Variants in ABHD2 observed in about 807,000 individuals in gnomAD.
ABHD2 encodes abhydrolase domain containing 2, acylglycerol lipase, also known as monoacylglycerol lipase ABHD2.
ABHD2 carries 20 observed loss-of-function variants against 48.1 expected under a neutral mutation model. That is an observed-to-expected ratio of 0.42 (90% CI 0.29 to 0.60). ABHD2 has a LOEUF of 0.60. Among genes scored for constraint, ABHD2 ranks in the 20% least tolerant of loss-of-function variants. The pLI, the probability that ABHD2 is intolerant of heterozygous loss-of-function variation, is 0.24. For synonymous variants in ABHD2, 209 were observed against 214.2 expected, an observed-to-expected ratio of 0.98 and a Z score of 0.21; for missense variants, 405 against 550.9, an observed-to-expected ratio of 0.74 and a Z score of 2.65.
chr15:89,157,866 A>G (rs983947534), intron 5 of ABHD2, among the ~76,000 whole-genome samples: 16 of 151,928 alleles, frequency 1.1e-4, no homozygotes, highest in African/African-American at 2.9e-4. Flanking sequence ...AAATAAATAA[A>G]TAGGTGAATG....
At chr15:89,103,301 G>A (rs1425892739) in intron 1 of ABHD2, among the ~76,000 whole-genome samples, 1 of 152,042 alleles carries the variant, frequency 6.6e-6, no homozygotes, top group Admixed American at 6.5e-5. Flanking sequence ...AGCATTTTAC[G>A]AACCTTATCT....
chr15:89,090,993 A>G (rs1901575890), intron 1 of ABHD2, among the ~76,000 whole-genome samples: 1 of 152,232 alleles, frequency 6.6e-6, no homozygotes, highest in Admixed American at 6.5e-5. Context: ...CGTGCTGGCA[A>G]TCTAGCTGGT....
rs182660669 is a variant in ABHD2, at chr15:89,179,625, A to G, written c.722+3630A>G. Among the ~76,000 whole-genome samples the G allele has an allele frequency of 2.6e-4, 39 of 152,262 alleles. No homozygotes were observed. The highest frequency in any genetic ancestry group is 3.4e-3 in the Middle Eastern group (1 of 294). On this transcript the variant is annotated intron_variant, in intron 6 of 10. Coordinates refer to ENST00000352732, the MANE Select transcript of ABHD2 (RefSeq NM_152924.5). The surrounding 1 kb of genome is among the most constrained non-coding windows in gnomAD (Gnocchi z 4.3). ...GTATGATAATGTAATAATAATAGGG[A>G]AAAAGTACATTATAAATGTAATGTG...
At position 89,155,372 on chromosome 15, in the gene ABHD2, A is replaced by G. The variant is rs1202655185; in HGVS notation, c.376A>G (p.Ile126Val). The stretch of plus-strand genomic sequence containing the variant: ...TCTCTTTCTCTACGCTATAGATGAT[A>G]TCACCATGGTCATCTGCCCTGGAAT... Reference protein sequence around the residue: ...PLAEHCVGDDITMVICPGIAN... With the variant: ...PLAEHCVGDDVTMVICPGIAN... The change falls in exon 5 of 11, where the codon ATC becomes GTC. Residue 126 changes from isoleucine to valine, a missense_variant. Transcript: ENST00000352732. The surrounding 1 kb of genome is among the most constrained non-coding windows in gnomAD (Gnocchi z 4.9). 5.6e-6 allele frequency: 9 copies of G among 1,613,850 alleles called. No homozygotes were observed. In the South Asian group the frequency reaches 8.8e-5, roughly 16 times the overall value.
the ABHD2 span, among the ~76,000 whole-genome samples, chr15:89,062,713 T>C: frequency 1.3e-5 from 2 of 151,998 alleles, no homozygotes; most frequent in African/African-American, 4.8e-5. Flanking sequence ...AAAATACATT[T>C]AGGAAGGCCA....
chr15:89,102,701 T>C lies in ABHD2; in HGVS notation c.-106-11024T>C, dbSNP rs532365364. The stretch of plus-strand genomic sequence containing the variant: ...CTGATGAGGAGGCAAGACGAATGTA[T>C]TGGGAAAGCCCAGCGGAGGAAGAGC... On this transcript the variant is annotated intron_variant, in intron 1 of 10. Coordinates refer to ENST00000352732, the MANE Select transcript of ABHD2 (RefSeq NM_152924.5). This position sits in a 1 kb window ranked among gnomAD's most constrained non-coding sequence, Gnocchi z 4.8. The C allele has an allele frequency of 6.6e-6, 1 of 152,386 alleles. No homozygotes were observed. The highest frequency in any genetic ancestry group is 6.5e-5 in the Admixed American group (1 of 15,306). The allele number at this position is 152,386 out of a possible 1,614,324, so 9.4% of individuals were successfully genotyped here.
intron 3 of ABHD2, among the ~76,000 whole-genome samples, chr15:89,143,581 C>T (rs898832854): frequency 5.3e-5 from 8 of 151,902 alleles, no homozygotes; most frequent in East Asian, 1.9e-4. Context: ...GCAGGAGAAT[C>T]GCTTGAACCC....
At chr15:89,135,794 G>A in intron 3 of ABHD2, 4 of 821,382 alleles carry the variant, frequency 4.9e-6, no homozygotes, top group Non-Finnish European at 8.6e-6. Context: ...CAGTTTCTTT[G>A]CAACATCATT....
chr15:89,074,109 C>T, the ABHD2 span, among the ~76,000 whole-genome samples: 1 of 152,060 alleles, frequency 6.6e-6, no homozygotes, highest in African/African-American at 2.4e-5. Context: ...CATGGTGGCT[C>T]ACGCCTGTAA....
chr15:89,050,773 A>G, the ABHD2 span, among the ~76,000 whole-genome samples: 2 of 152,148 alleles, frequency 1.3e-5, no homozygotes, highest in Non-Finnish European at 2.9e-5. Context: ...GGGCAGCCTG[A>G]GTTACCCCCA....
In ABHD2 at chr15:89,176,069, C is replaced by CTGTT; in HGVS notation, c.722+75_722+78dup. ...TAGAGATGCCCCGACGCACAACACACTGTTCTGTGAAGACCGGGGAACACT... is the reference window on the plus strand; with the variant it reads ...TAGAGATGCCCCGACGCACAACACACTGTTTGTTCTGTGAAGACCGGGGAACACT... On this transcript the variant is annotated intron_variant, in intron 6 of 10. Coordinates refer to ENST00000352732, the MANE Select transcript of ABHD2 (RefSeq NM_152924.5). This position sits in a 1 kb window ranked among gnomAD's most constrained non-coding sequence, Gnocchi z 4.5. The CTGTT allele has an allele frequency of 2.8e-6, 4 of 1,443,970 alleles. No individual in the cohort carries two copies. In the Admixed American group the frequency reaches 8.9e-5, roughly 32 times the overall value. The allele number at this position is 1,443,970 out of a possible 1,614,324, so 89.4% of individuals were successfully genotyped here. A position where few individuals can be genotyped will look rare whatever the true frequency, so the allele number is the denominator to read the frequency against.
In ABHD2 at chr15:89,188,656, A is replaced by G. The variant is rs781664239; in HGVS notation, c.926+353A>G. On this transcript the variant is annotated intron_variant, in intron 8 of 10. Coordinates refer to ENST00000352732, the MANE Select transcript of ABHD2 (RefSeq NM_152924.5). The surrounding 1 kb of genome is among the most constrained non-coding windows in gnomAD (Gnocchi z 4.1). ...AGTGTCAGGTGCCACATAAATCTGC[A>G]TTTCGCAGTGGAGTAAAAGGCAAAA... is the stretch of plus-strand genomic sequence containing the variant. Among the ~76,000 whole-genome samples, 3 of 152,174 alleles carry G rather than the reference A, an allele frequency of 2.0e-5. No homozygotes were observed. Among genetic ancestry groups the G allele is most frequent in the African/African-American group, 7.2e-5 (3 of 41,436 alleles).
the ABHD2 span, among the ~76,000 whole-genome samples, chr15:89,080,861 A>C: frequency 2.0e-5 from 3 of 152,174 alleles, no homozygotes; most frequent in African/African-American, 7.2e-5. Context: ...CACCTGGCCC[A>C]AATTTTACTC....
chr15:89,126,472 A>G (rs191905204), intron 3 of ABHD2, among the ~76,000 whole-genome samples: 2 of 152,314 alleles, frequency 1.3e-5, no homozygotes, highest in Non-Finnish European at 1.5e-5. Context: ...ATTTCTAAGG[A>G]TAGCCAACTT....
At position 89,155,767 on chromosome 15, in the gene ABHD2, C is replaced by T. The variant is rs965884239; in HGVS notation, c.538+233C>T. On this transcript the variant is annotated intron_variant, in intron 5 of 10. Transcript: ENST00000352732. This position sits in a 1 kb window ranked among gnomAD's most constrained non-coding sequence, Gnocchi z 4.9. ...TCACAGAGGCAGAAACTGAAGCTTA[C>T]AGGGGAAAGTCTTGCCCAAGGTCCC... Among the ~76,000 whole-genome samples the T allele has an allele frequency of 2.6e-5, 4 of 152,190 alleles. No individual in the cohort carries two copies. Among genetic ancestry groups the T allele is most frequent in the Non-Finnish European group, 4.4e-5 (3 of 68,040 alleles).
intron 3 of ABHD2, among the ~76,000 whole-genome samples, chr15:89,130,986 C>G (rs1475638928): frequency 1.3e-5 from 2 of 152,230 alleles, no homozygotes; most frequent in Non-Finnish European, 2.9e-5. Flanking sequence ...CTCCTTCCTT[C>G]TGTCCTTCAC....
At chr15:89,078,107 C>A in the ABHD2 span, among the ~76,000 whole-genome samples, 1 of 152,160 alleles carries the variant, frequency 6.6e-6, no homozygotes, top group Non-Finnish European at 1.5e-5. Flanking sequence ...TTCTTGCACC[C>A]CATATTTAAT....
the ABHD2 span, among the ~76,000 whole-genome samples, chr15:89,077,439 T>C: frequency 0.69 from 104,947 of 152,076 alleles, 36,328 homozygotes; most frequent in Non-Finnish European, 0.71. Context: ...ATGGTGCTAT[T>C]GTGAATGTTA....
At chr15:89,066,561 G>A in the ABHD2 span, among the ~76,000 whole-genome samples, 1 of 152,030 alleles carries the variant, frequency 6.6e-6, no homozygotes, top group Non-Finnish European at 1.5e-5. Flanking sequence ...ATATTTTGGG[G>A]GGACACAATT....
Sources: allele counts gnomAD v4.1 joint callset (sites outside exome capture counted in the v4.1 genomes callset), GRCh38; gene constraint gnomAD v4.1.1; non-coding constraint Gnocchi (gnomAD v3.1); transcripts MANE v1.5; gene names NCBI Gene and HGNC (gene_info 2026-07-23, HGNC 2026-07-21).